HDGFL3: variants seen among roughly 807,000 people sequenced by gnomAD.
HDGFL3 encodes HDGF like 3.
In HDGFL3, 6 loss-of-function variants were observed where a neutral mutation model predicts 27.6. The observed-to-expected ratio is 0.22, with a 90% CI of 0.12 to 0.43. The LOEUF is 0.43. HDGFL3 is among the 20% of genes least tolerant of loss of function. The pLI, the probability that HDGFL3 is intolerant of heterozygous loss-of-function variation, is 1.00. For missense variants in HDGFL3, 207 were observed against 250.1 expected (o/e 0.83, Z 1.16); for synonymous variants, 88 against 88.9 (o/e 0.99, Z 0.05).
chr15:83,192,323 C>T (rs2037521259), intron 1 of HDGFL3: 1 of 454,574 alleles, frequency 2.2e-6, no homozygotes, highest in South Asian at 1.6e-5. Context: ...AAATAAAAAA[C>T]AAAACAAAAC....
chr15:83,136,439 A>G lies in HDGFL3; in HGVS notation c.*2831T>C, dbSNP rs1179309740. ...GAACTCATCATGCATCCAACTGAAC[A>G]CGTTTCATGCTTACTCAATTTTTTT... is the stretch of plus-strand genomic sequence containing the variant. On this transcript the variant is annotated 3_prime_UTR_variant, in exon 6 of 6. Transcript: ENST00000299633. The G allele has an allele frequency of 5.9e-6, 9 of 1,521,048 alleles. No individual in the cohort carries two copies. Among genetic ancestry groups the G allele is most frequent in the Non-Finnish European group, 7.9e-6 (9 of 1,133,468 alleles). 94.2% of individuals were successfully genotyped at this position (1,521,048 alleles called of 1,614,324 possible).
chr15:83,188,747 A>C (rs1312026471), intron 1 of HDGFL3, among the ~76,000 whole-genome samples: 1 of 150,892 alleles, frequency 6.6e-6, no homozygotes, highest in Non-Finnish European at 1.5e-5. Flanking sequence ...ACACTTACTT[A>C]CTCCCTTGGT....
intron 1 of HDGFL3, among the ~76,000 whole-genome samples, chr15:83,197,366 T>A (rs1270219569): frequency 6.6e-6 from 1 of 152,200 alleles, no homozygotes; most frequent in Non-Finnish European, 1.5e-5. Flanking sequence ...CATAAAACTG[T>A]GCTTACAGTA....
rs552321432 is a variant in HDGFL3 at position 83,146,004 on chromosome 15, G to A, written c.606+5211C>T. Among the ~76,000 whole-genome samples, 35 of 134,738 alleles carry A rather than the reference G, an allele frequency of 2.6e-4. 1 individual carries two copies. In the South Asian group the frequency reaches 5.6e-3, roughly 21 times the overall value. The allele number at this position is 134,738 out of a possible 152,430, so 88.4% of individuals were successfully genotyped here. A position where few individuals can be genotyped will look rare whatever the true frequency, so the allele number is the denominator to read the frequency against. ...TGGCTCACTGCAACCTCTGCCTCCCGGGTTCAAGCGATTTTCATGCCTCAG... is the reference window on the plus strand; with the variant it reads ...TGGCTCACTGCAACCTCTGCCTCCCAGGTTCAAGCGATTTTCATGCCTCAG... On this transcript the variant is annotated intron_variant, in intron 5 of 5. Coordinates refer to ENST00000299633, the MANE Select transcript of HDGFL3 (RefSeq NM_016073.4).
At chr15:83,115,444 C>G (rs1431900233) in exon 4 of HDGFL3, 6 of 354,806 alleles carry the variant, frequency 1.7e-5, no homozygotes, top group Non-Finnish European at 2.2e-5. Flanking sequence ...ACTTAGTGGT[C>G]ACTTCTATGC....
intron 5 of HDGFL3, among the ~76,000 whole-genome samples, chr15:83,140,941 C>T (rs543285048): frequency 1.6e-4 from 24 of 152,000 alleles, no homozygotes; most frequent in Admixed American, 8.5e-4. Flanking sequence ...GTATTAATAC[C>T]CCAAACAAAG....
chr15:83,181,945 T>C (rs1365162624), intron 1 of HDGFL3, among the ~76,000 whole-genome samples: 3 of 152,270 alleles, frequency 2.0e-5, no homozygotes, highest in East Asian at 3.8e-4. Flanking sequence ...TTTACTTTTG[T>C]TGAGGTAAAA....
At chr15:83,170,968 C>T (rs185275792) in intron 1 of HDGFL3, among the ~76,000 whole-genome samples, 18 of 150,128 alleles carry the variant, frequency 1.2e-4, no homozygotes, top group South Asian at 4.2e-4. Context: ...CCAAGAAACA[C>T]GAAAAAACTT....
chr15:83,121,961 A>T, intron 3 of HDGFL3: 1 of 1,611,550 alleles, frequency 6.2e-7, no homozygotes, highest in Non-Finnish European at 8.5e-7. Context: ...GGTTGGATCT[A>T]TTATTATGAG....
At position 83,128,013 on chromosome 15, in the gene HDGFL3, T is replaced by A. The variant is rs993611320; in HGVS notation, c.*11257A>T. On this transcript the variant is annotated 3_prime_UTR_variant, in exon 6 of 6. Transcript: ENST00000299633. ...AATGCTTACTGCGTTTAACTGAAAA[T>A]GAAATTATCTATGGAGAACTTCACA... 1 of 152,400 alleles carries A rather than the reference T, an allele frequency of 6.6e-6. No homozygotes were observed. Among genetic ancestry groups the A allele is most frequent in the African/African-American group, 2.4e-5 (1 of 41,454 alleles). The allele number at this position is 152,400 out of a possible 1,614,324, so 9.4% of individuals were successfully genotyped here.
intron 1 of HDGFL3, chr15:83,189,423 C>G (rs2037484437): frequency 6.6e-6 from 1 of 152,340 alleles, no homozygotes; most frequent in Non-Finnish European, 1.5e-5. Context: ...CCTCATTTGC[C>G]TTCTTGCTTT....
chr15:83,159,557 T>TA (rs920656574), intron 2 of HDGFL3, among the ~76,000 whole-genome samples: 9 of 151,872 alleles, frequency 5.9e-5, no homozygotes, highest in East Asian at 3.9e-4. Context: ...GTATGTGTGC[T>TA]AAAAAAAATA....
chr15:83,185,404 C>T (rs1479722301), intron 1 of HDGFL3, among the ~76,000 whole-genome samples: 1 of 152,156 alleles, frequency 6.6e-6, no homozygotes, highest in Non-Finnish European at 1.5e-5. Context: ...CTTAAGAGCA[C>T]AGAACTTTCT....
At chr15:83,205,391 C>T (rs1008118647) in intron 1 of HDGFL3, among the ~76,000 whole-genome samples, 6 of 152,036 alleles carry the variant, frequency 3.9e-5, no homozygotes, top group African/African-American at 1.4e-4. Flanking sequence ...ATTTTTCTTT[C>T]TTGTACCTAT....
intron 5 of HDGFL3, among the ~76,000 whole-genome samples, chr15:83,150,045 C>A (rs2036944906): frequency 6.6e-6 from 1 of 152,124 alleles, no homozygotes; most frequent in Non-Finnish European, 1.5e-5. Context: ...GAGTTTCGGG[C>A]AGGTCTGAGA....
At chr15:83,197,105 G>T (rs1313716314) in intron 1 of HDGFL3, among the ~76,000 whole-genome samples, 1 of 152,144 alleles carries the variant, frequency 6.6e-6, no homozygotes, top group African/African-American at 2.4e-5. Context: ...TACTCAAAAC[G>T]AAGAATGGAG....
At chr15:83,156,060 A>G (rs1175778591) in intron 4 of HDGFL3, among the ~76,000 whole-genome samples, 1 of 152,166 alleles carries the variant, frequency 6.6e-6, no homozygotes, top group Admixed American at 6.5e-5. Context: ...CAAATTTCTC[A>G]TTATGGCCTA....
chr15:83,178,580 C>T (rs1415923463), intron 1 of HDGFL3, among the ~76,000 whole-genome samples: 2 of 152,144 alleles, frequency 1.3e-5, no homozygotes, highest in South Asian at 2.1e-4. Flanking sequence ...GGGAGGATTG[C>T]CTGAGCCCAG....
exon 4 of HDGFL3, chr15:83,115,675 G>C: frequency 1.4e-6 from 1 of 699,120 alleles, no homozygotes; most frequent in African/African-American, 1.7e-5. Context: ...AACACAGGTG[G>C]AGGTCCAGCT....
Sources: allele counts gnomAD v4.1 joint callset (sites outside exome capture counted in the v4.1 genomes callset), GRCh38; gene constraint gnomAD v4.1.1; transcripts MANE v1.5; gene names NCBI Gene and HGNC (gene_info 2026-07-23, HGNC 2026-07-21).